The following CADPS2 variants were observed in gnomAD, a reference collection of about 807,000 sequenced individuals.
The protein encoded by CADPS2 is calcium-dependent secretion activator 2.
Under a neutral mutation model 172.5 loss-of-function variants are expected in CADPS2, and 93 were observed. The observed-to-expected ratio is 0.54, with a 90% CI of 0.46 to 0.64. The LOEUF is 0.64. CADPS2 is among the 30% of genes least tolerant of loss of function. The pLI, the probability that CADPS2 is intolerant of heterozygous loss-of-function variation, is 0.00. For synonymous variants in CADPS2, 546 were observed against 555.2 expected (o/e 0.98, Z 0.23); for missense variants, 1,420 against 1,565.9 (o/e 0.91, Z 1.57).
intron 2 of CADPS2, among the ~76,000 whole-genome samples, chr7:122,690,425 T>A (rs7779064): frequency 6.6e-6 from 1 of 152,114 alleles, no homozygotes; most frequent in Non-Finnish European, 1.5e-5. Context: ...CGGCTAATTG[T>A]GGAGGTCACA....
chr7:122,663,858 A>G (rs1012052624), intron 2 of CADPS2, among the ~76,000 whole-genome samples: 4 of 152,132 alleles, frequency 2.6e-5, no homozygotes, highest in Non-Finnish European at 5.9e-5. Context: ...AATCCTTTAG[A>G]GTGATGTCCT....
Position 122,640,054 on chromosome 7 carries a change from C to T in CADPS2, c.787-10726G>A, listed in dbSNP as rs1767912088. Reference sequence around the variant, plus strand: ...AGAATAGAATCTCAATTTTCAGCTCCGTACCCCGATCATTCATGAGTAATG... The same window carrying T: ...AGAATAGAATCTCAATTTTCAGCTCTGTACCCCGATCATTCATGAGTAATG... On this transcript the variant is annotated intron_variant, in intron 3 of 29. Transcript: ENST00000449022. 2.0e-5 allele frequency among the ~76,000 whole-genome samples: 3 copies of T among 152,132 alleles called. No homozygotes were observed. The South Asian group carries it at 6.2e-4, about 32-fold the overall frequency.
In CADPS2 at chr7:122,549,244, A is replaced by G. The variant is rs1435319674; in HGVS notation, c.1475+5306T>C. Among the ~76,000 whole-genome samples the G allele has an allele frequency of 2.0e-5, 3 of 152,218 alleles. No homozygotes were observed. The South Asian group carries it at 6.2e-4, about 32-fold the overall frequency. Reference sequence around the variant, plus strand: ...AAACCCTGTCTCTACCCTGTCTCTAATACAAAAAAATTGGGGATTGATAAA... The same window carrying G: ...AAACCCTGTCTCTACCCTGTCTCTAGTACAAAAAAATTGGGGATTGATAAA... On this transcript the variant is annotated intron_variant, in intron 8 of 29. Coordinates refer to ENST00000449022, the MANE Select transcript of CADPS2 (RefSeq NM_017954.11).
intron 28 of CADPS2, among the ~76,000 whole-genome samples, chr7:122,341,217 ATTTTC>A (rs2036736626): frequency 6.6e-6 from 1 of 152,180 alleles, no homozygotes; most frequent in South Asian, 2.1e-4. Context: ...TTGTAGATAG[ATTTTC>A]TTTTCTATTA....
chr7:122,548,589 G>T (rs1431595822), intron 8 of CADPS2, among the ~76,000 whole-genome samples: 1 of 152,088 alleles, frequency 6.6e-6, no homozygotes, highest in Non-Finnish European at 1.5e-5. Flanking sequence ...CTTATTTAAT[G>T]ATTTAAGCAA....
chr7:122,448,939 TAAAAA>T (rs1157419047), intron 15 of CADPS2, among the ~76,000 whole-genome samples: 2 of 151,462 alleles, frequency 1.3e-5, no homozygotes, highest in East Asian at 3.9e-4. Flanking sequence ...AAAAAAAAAA[TAAAAA>T]AATTATGTTA....
At chr7:122,502,067 A>G (rs949991077) in intron 9 of CADPS2, among the ~76,000 whole-genome samples, 2 of 152,118 alleles carry the variant, frequency 1.3e-5, no homozygotes, top group African/African-American at 4.8e-5. Context: ...TTATTATTTC[A>G]GATAGCACTG....
At chr7:122,393,367 G>A in intron 21 of CADPS2, 52 bp from the exon 22 acceptor site, 1 of 1,613,504 alleles carries the variant, frequency 6.2e-7, no homozygotes, top group Non-Finnish European at 8.5e-7. Flanking sequence ...GATAACTACA[G>A]ATGGCCATGT....
chr7:122,772,134 T>A (rs1047456604), intron 1 of CADPS2, among the ~76,000 whole-genome samples: 1 of 152,212 alleles, frequency 6.6e-6, no homozygotes, highest in African/African-American at 2.4e-5. Context: ...GTTAATGTAA[T>A]ACTGCTTAGA....
At chr7:122,355,687 T>C (rs568939267) in intron 27 of CADPS2, among the ~76,000 whole-genome samples, 1 of 152,168 alleles carries the variant, frequency 6.6e-6, no homozygotes, top group South Asian at 2.1e-4. Flanking sequence ...ATCTTCCAGG[T>C]GGAATTTTTG....
intron 1 of CADPS2, among the ~76,000 whole-genome samples, chr7:122,843,524 G>A (rs1811153485): frequency 6.6e-6 from 1 of 152,172 alleles, no homozygotes; most frequent in Admixed American, 6.5e-5. Context: ...AGTACTTAAT[G>A]ATAATGGACG....
At chr7:122,513,607 T>C (rs1053327313) in intron 8 of CADPS2, among the ~76,000 whole-genome samples, 2 of 152,200 alleles carry the variant, frequency 1.3e-5, no homozygotes, top group South Asian at 2.1e-4. Flanking sequence ...GGAATTTTAT[T>C]CTTACATGCA....
At chr7:122,445,012 T>G (rs1364484882) in intron 15 of CADPS2, among the ~76,000 whole-genome samples, 2 of 152,180 alleles carry the variant, frequency 1.3e-5, no homozygotes, top group Non-Finnish European at 2.9e-5. Flanking sequence ...CGGAAAAAAG[T>G]ATACTTTGCA....
rs1257734335 is a variant in CADPS2 at position 122,388,607 on chromosome 7, T to C, written c.3140A>G (p.Asp1047Gly). The C allele has an allele frequency of 6.2e-7, 1 of 1,605,480 alleles. No homozygotes were observed. ...CCTTTTGACACAGGCCTCTAGCATA[T>C]CACTGGCCATTAGTTTAAGTCTTTG... ...LEQRLKLMASDMLEACVKRTR... is the reference protein window; with the variant it reads ...LEQRLKLMASGMLEACVKRTR... Residue 1047 changes from aspartate (D) to glycine (G), a missense_variant, in exon 23 of 30, where the codon GAT becomes GGT. Physicochemically the swap from Asp to Gly is moderately conservative, Grantham distance 94. Coordinates refer to ENST00000449022, the MANE Select transcript of CADPS2 (RefSeq NM_017954.11).
intron 1 of CADPS2, among the ~76,000 whole-genome samples, chr7:122,835,134 G>A (rs926456547): frequency 1.3e-5 from 2 of 152,160 alleles, no homozygotes; most frequent in South Asian, 2.1e-4. Context: ...AGCAATATTC[G>A]ATGTTCTGCA....
intron 7 of CADPS2, among the ~76,000 whole-genome samples, chr7:122,568,089 T>A (rs1211385055): frequency 6.6e-6 from 1 of 151,982 alleles, no homozygotes; most frequent in Non-Finnish European, 1.5e-5. Context: ...AAATAGAACA[T>A]GCTAATACTA....
At chr7:122,356,769 T>C (rs2039457848) in intron 27 of CADPS2, among the ~76,000 whole-genome samples, 1 of 152,228 alleles carries the variant, frequency 6.6e-6, no homozygotes, top group Non-Finnish European at 1.5e-5. Flanking sequence ...CTTAGGCCAC[T>C]GGGAGCTCTT....
chr7:122,630,842 T>C (rs2076508733), intron 3 of CADPS2, among the ~76,000 whole-genome samples: 1 of 152,068 alleles, frequency 6.6e-6, no homozygotes, highest in Non-Finnish European at 1.5e-5. Flanking sequence ...AAAAACCAAA[T>C]TCATTTTAAA....
intron 2 of CADPS2, among the ~76,000 whole-genome samples, chr7:122,726,893 G>C (rs2091161026): frequency 1.3e-5 from 2 of 151,634 alleles, no homozygotes; most frequent in Admixed American, 1.3e-4. Context: ...AAAGTAAAAT[G>C]AATAAAACTA....
Sources: allele counts gnomAD v4.1 joint callset (sites outside exome capture counted in the v4.1 genomes callset), GRCh38; gene constraint gnomAD v4.1.1; transcripts MANE v1.5; gene names NCBI Gene and HGNC (gene_info 2026-07-23, HGNC 2026-07-21).